Variants in IQCM observed in about 807,000 individuals in gnomAD.
IQCM encodes the protein IQ motif containing M, also known as IQ domain-containing protein M.
IQCM carries 45 observed loss-of-function variants against 57.6 expected under a neutral mutation model. That is an observed-to-expected ratio of 0.78 (90% CI 0.62 to 1.00). The LOEUF (loss-of-function observed/expected upper bound fraction) is 1.00, where lower values mean the gene tolerates loss of function less well. Among genes scored for constraint, IQCM ranks in the 50% least tolerant of loss-of-function variants. The pLI is 0.00. For missense variants in IQCM, 468 were observed against 511.6 expected (o/e 0.91, Z 0.82); for synonymous variants, 148 against 158.9 (o/e 0.93, Z 0.51).
Position 149,351,834 on chromosome 4 carries a change from T to C in IQCM, c.*117A>G. The C allele has an allele frequency of 2.5e-6, 1 of 395,506 alleles. No individual in the cohort carries two copies. 24.5% of individuals were successfully genotyped at this position (395,506 alleles called of 1,614,324 possible). A position where few individuals can be genotyped will look rare whatever the true frequency, so the allele number is the denominator to read the frequency against. ...GATAAACTTGTCAAAGTTCTTTCTA[T>C]ATTCAAAGATTTTTATCCTTTCTTC... On this transcript the variant is annotated 3_prime_UTR_variant, in exon 14 of 14. Coordinates refer to ENST00000636793, the MANE Select transcript of IQCM (RefSeq NM_001363507.2).
At chr4:149,353,817 AAAGTAG>A (rs1281377925) in intron 13 of IQCM, among the ~76,000 whole-genome samples, 1 of 152,180 alleles carries the variant, frequency 6.6e-6, no homozygotes, top group East Asian at 1.9e-4. Context: ...CAGGGATCAC[AAAGTAG>A]CAGATGTTTA....
At chr4:149,492,459 C>G (rs1742196091) in intron 12 of IQCM, among the ~76,000 whole-genome samples, 1 of 152,124 alleles carries the variant, frequency 6.6e-6, no homozygotes, top group Admixed American at 6.6e-5. Flanking sequence ...AAACTAAGCC[C>G]TACTTGGTAC....
intron 2 of IQCM, among the ~76,000 whole-genome samples, chr4:149,792,001 T>C (rs1407363833): frequency 6.6e-6 from 1 of 152,148 alleles, no homozygotes; most frequent in Non-Finnish European, 1.5e-5. Context: ...AACCAGAGAC[T>C]AAACTGATGC....
In IQCM at chr4:149,358,651, A is replaced by G. The variant is rs553111469; in HGVS notation, c.1391-6585T>C. 3.7e-4 allele frequency among the ~76,000 whole-genome samples: 56 copies of G among 152,214 alleles called. No individual in the cohort carries two copies. In the South Asian group the frequency reaches 0.011, roughly 30 times the overall value. Reference sequence around the variant, plus strand: ...AAACAAGTCAAATCCTGGATAATATATTAAATATATTTTAACTTCATTACT... The same window carrying G: ...AAACAAGTCAAATCCTGGATAATATGTTAAATATATTTTAACTTCATTACT... On this transcript the variant is annotated intron_variant, in intron 13 of 13. Coordinates refer to ENST00000636793, the MANE Select transcript of IQCM (RefSeq NM_001363507.2).
chr4:149,434,959 CCA>C (rs1735208302), intron 12 of IQCM, among the ~76,000 whole-genome samples: 1 of 152,066 alleles, frequency 6.6e-6, no homozygotes, highest in Admixed American at 6.6e-5. Flanking sequence ...CCCCAGATCT[CCA>C]GAGTAGCTTC....
At chr4:149,510,673 C>A (rs1201311996) in intron 12 of IQCM, among the ~76,000 whole-genome samples, 1 of 152,102 alleles carries the variant, frequency 6.6e-6, no homozygotes, top group Non-Finnish European at 1.5e-5. Context: ...GTCTCTCAGG[C>A]TTTCTTTCAT....
intron 8 of IQCM, among the ~76,000 whole-genome samples, chr4:149,605,803 G>A (rs1754723387): frequency 1.0e-5 from 1 of 96,020 alleles, no homozygotes; most frequent in South Asian, 2.5e-4. Context: ...CCCAACTCCT[G>A]AGTCACTGAG....
At chr4:149,581,582 T>C (rs985823082) in intron 9 of IQCM, among the ~76,000 whole-genome samples, 1 of 151,582 alleles carries the variant, frequency 6.6e-6, no homozygotes, top group Non-Finnish European at 1.5e-5. Context: ...TTGTCTCTTT[T>C]TCAGAACTCG....
intron 13 of IQCM, among the ~76,000 whole-genome samples, chr4:149,387,378 A>G (rs1292373223): frequency 6.6e-6 from 1 of 152,044 alleles, no homozygotes; most frequent in African/African-American, 2.4e-5. Flanking sequence ...CTTTCCGATC[A>G]TAGCAGGTGG....
rs183974454 is a variant in IQCM, at chr4:149,757,189, C to T, written c.-48-14450G>A. 3.6e-3 allele frequency among the ~76,000 whole-genome samples: 547 copies of T among 151,906 alleles called. 2 individuals carry two copies. Among genetic ancestry groups the T allele is most frequent in the African/African-American group, 0.012 (494 of 41,448 alleles). On this transcript the variant is annotated intron_variant, in intron 2 of 13. Transcript: ENST00000636793. ...AGGAGAATGGCATGAACCCGGGAGG[C>T]AGAGCTCGCAGTGAGCCAAGATCCC...
intron 12 of IQCM, among the ~76,000 whole-genome samples, chr4:149,468,202 G>C (rs1000158915): frequency 1.9e-4 from 29 of 152,224 alleles, no homozygotes; most frequent in Admixed American, 5.2e-4. Flanking sequence ...GAAGCACAAG[G>C]GGTCAGGAAA....
intron 2 of IQCM, among the ~76,000 whole-genome samples, chr4:149,808,646 A>G (rs1236341238): frequency 6.6e-6 from 1 of 152,186 alleles, no homozygotes; most frequent in East Asian, 1.9e-4. Flanking sequence ...GTGTATCAAA[A>G]TACCACATGT....
chr4:149,416,301 T>A (rs2111196071), intron 13 of IQCM, among the ~76,000 whole-genome samples: 1 of 152,190 alleles, frequency 6.6e-6, no homozygotes, highest in Non-Finnish European at 1.5e-5. Context: ...AAATAATATA[T>A]TCCTGAGAAA....
At chr4:149,527,758 C>G (rs1378363424) in intron 12 of IQCM, among the ~76,000 whole-genome samples, 1 of 152,126 alleles carries the variant, frequency 6.6e-6, no homozygotes. Context: ...ATATTTCACT[C>G]AAGTCTTTTT....
chr4:149,684,144 T>A (rs1033398502), intron 6 of IQCM, among the ~76,000 whole-genome samples: 3 of 151,306 alleles, frequency 2.0e-5, no homozygotes, highest in African/African-American at 7.3e-5. Flanking sequence ...CCCATATCTA[T>A]CATCATCATA....
intron 13 of IQCM, among the ~76,000 whole-genome samples, chr4:149,386,398 A>T (rs978855871): frequency 6.6e-6 from 1 of 152,108 alleles, no homozygotes; most frequent in Non-Finnish European, 1.5e-5. Context: ...TCAGTTATCA[A>T]TATTTTGCAT....
At chr4:149,665,508 C>T (rs1469965156) in intron 7 of IQCM, among the ~76,000 whole-genome samples, 5 of 152,140 alleles carry the variant, frequency 3.3e-5, no homozygotes, top group African/African-American at 1.2e-4. Context: ...TTTGCTGCTC[C>T]TCTGGTGCTA....
intron 7 of IQCM, among the ~76,000 whole-genome samples, chr4:149,637,149 C>CAAAAA (rs758838297): frequency 7.7e-5 from 3 of 38,800 alleles, no homozygotes; most frequent in South Asian, 8.7e-4. Context: ...GACTCCGTCT[C>CAAAAA]AAAAAAAAAA....
chr4:149,418,169 G>GT (rs36117835), intron 13 of IQCM, among the ~76,000 whole-genome samples: 38 of 149,096 alleles, frequency 2.5e-4, no homozygotes, highest in South Asian at 4.3e-4. Context: ...CCAGGTTATG[G>GT]TTTTTTTTTT....
Sources: gnomAD v4.1 joint callset for allele counts (sites outside exome capture counted in the v4.1 genomes callset) on GRCh38, gnomAD v4.1.1 for gene constraint, MANE v1.5 for transcripts, NCBI Gene and HGNC (gene_info 2026-07-23, HGNC 2026-07-21) for gene names.